The following SGMS2 variants were observed in gnomAD, a reference collection of about 807,000 sequenced individuals.
SGMS2 encodes the protein phosphatidylcholine:ceramide cholinephosphotransferase 2.
A neutral mutation model predicts 43.8 loss-of-function variants in SGMS2; 21 were observed. The ratio of observed to expected loss-of-function variants is 0.48; its 90% confidence interval spans 0.34 to 0.69. The LOEUF (loss-of-function observed/expected upper bound fraction) is 0.69. Ranked by LOEUF, SGMS2 falls within the 30% of genes least tolerant of loss-of-function variation. The probability of loss-of-function intolerance (pLI) is 0.01; values close to 1 mark genes in which losing one functional copy is unlikely to be tolerated. For missense variants in SGMS2, 384 were observed against 443.2 expected, an observed-to-expected ratio of 0.87 and a Z score of 1.20; for synonymous variants, 167 against 160.6, an observed-to-expected ratio of 1.04 and a Z score of -0.30.
rs200934549 is a variant in SGMS2 at position 107,903,259 on chromosome 4, T to G, written c.600T>G (p.Val200=). 1 of 1,613,988 alleles carries G rather than the reference T, an allele frequency of 6.2e-7. No individual in the cohort carries two copies. Among genetic ancestry groups the G allele is most frequent in the Non-Finnish European group, 8.5e-7 (1 of 1,179,958 alleles). Reference sequence around the variant, plus strand: ...TCAATGGAGACTCTCAGGCAAAAGTTCAACGGATTCTACGATTGATTTCTG... The same window carrying G: ...TCAATGGAGACTCTCAGGCAAAAGTGCAACGGATTCTACGATTGATTTCTG... ...PKLNGDSQAK[V]QRILRLISGG... is the part of the protein sequence containing the mutation. Residue 200 remains valine (V), a synonymous_variant, in exon 5 of 7, where the codon GTT becomes GTG. Transcript: ENST00000690982.
At chr4:107,907,755 T>C (rs1477217161) in intron 5 of SGMS2, among the ~76,000 whole-genome samples, 1 of 152,250 alleles carries the variant, frequency 6.6e-6, no homozygotes, top group Admixed American at 6.5e-5. Flanking sequence ...TTAACTTTTA[T>C]TGTGAGCTAA....
chr4:107,843,408 C>T (rs536848853), intron 1 of SGMS2, among the ~76,000 whole-genome samples: 143 of 152,080 alleles, frequency 9.4e-4, no homozygotes, highest in Non-Finnish European at 1.7e-3. Flanking sequence ...GTTTATAAAG[C>T]ACAAATGTTC....
At chr4:107,887,885 A>T (rs1369467765) in intron 2 of SGMS2, among the ~76,000 whole-genome samples, 1 of 152,208 alleles carries the variant, frequency 6.6e-6, no homozygotes, top group Non-Finnish European at 1.5e-5. Context: ...TGACCATAAG[A>T]TAAAACTTCC....
chr4:107,834,691 A>G (rs1290541725), intron 1 of SGMS2, among the ~76,000 whole-genome samples: 4 of 152,224 alleles, frequency 2.6e-5, no homozygotes, highest in Admixed American at 1.3e-4. Context: ...AAAGGGCTAT[A>G]GGCTCTTAGA....
chr4:107,838,425 T>A lies in SGMS2; in HGVS notation c.-327+13172T>A, dbSNP rs940404950. Among the ~76,000 whole-genome samples the A allele has an allele frequency of 1.1e-4, 16 of 145,550 alleles. 1 individual carries two copies. In the South Asian group the frequency reaches 2.7e-3, roughly 25 times the overall value. ...ACTTTACCCTGTGGGCTAGAGGACT[T>A]CTTCTTCTTCTTCTTCTTCTTTTTT... On this transcript the variant is annotated intron_variant, in intron 1 of 6. Coordinates refer to ENST00000690982, the MANE Select transcript of SGMS2 (RefSeq NM_001375905.1).
chr4:107,905,937 TGC>T (rs1239832574), intron 5 of SGMS2, among the ~76,000 whole-genome samples: 5 of 152,312 alleles, frequency 3.3e-5, no homozygotes, highest in African/African-American at 9.6e-5. Flanking sequence ...ATATATAGTG[TGC>T]AAGGAATACC....
chr4:107,871,633 G>A (rs1383827871), intron 2 of SGMS2, among the ~76,000 whole-genome samples: 2 of 152,040 alleles, frequency 1.3e-5, no homozygotes, highest in Non-Finnish European at 2.9e-5. Flanking sequence ...TAGGCTATCA[G>A]CAATAGTATT....
In SGMS2 at chr4:107,896,874, A is replaced by G. The variant is rs76718723; in HGVS notation, c.455+866A>G. On this transcript the variant is annotated intron_variant, in intron 3 of 6. Coordinates refer to ENST00000690982, the MANE Select transcript of SGMS2 (RefSeq NM_001375905.1). ...CTTTCCTCTCATTCATCATTTAGACATTTGTTTTCCACTGGGATGGTAGTG... is the reference window on the plus strand; with the variant it reads ...CTTTCCTCTCATTCATCATTTAGACGTTTGTTTTCCACTGGGATGGTAGTG... Among the ~76,000 whole-genome samples the G allele has an allele frequency of 6.7e-3, 1,014 of 152,254 alleles. 10 individuals carry two copies. The highest frequency in any genetic ancestry group is 0.023 in the African/African-American group (955 of 41,552).
intron 1 of SGMS2, among the ~76,000 whole-genome samples, chr4:107,829,841 G>T (rs201231654): frequency 0.17 from 26,306 of 151,928 alleles, 2,821 homozygotes; most frequent in African/African-American, 0.31. Flanking sequence ...TTCCAACGTG[G>T]TGAATAACAG....
intron 2 of SGMS2, among the ~76,000 whole-genome samples, chr4:107,869,851 T>C (rs1038931271): frequency 4.6e-5 from 7 of 152,186 alleles, no homozygotes; most frequent in African/African-American, 7.2e-5. Flanking sequence ...CTATTATAAA[T>C]TTTTTCTTAA....
intron 2 of SGMS2, among the ~76,000 whole-genome samples, chr4:107,869,318 C>T (rs924940914): frequency 6.6e-6 from 1 of 151,910 alleles, no homozygotes; most frequent in Non-Finnish European, 1.5e-5. Flanking sequence ...GTAAGCAAGT[C>T]GATGGGATTG....
intron 2 of SGMS2, chr4:107,893,116 C>T (rs914100921): frequency 2.6e-5 from 4 of 152,092 alleles, no homozygotes; most frequent in Non-Finnish European, 5.9e-5. Context: ...TTAATTATTT[C>T]AGTCATTCTC....
chr4:107,834,262 A>G (rs531571894), intron 1 of SGMS2, among the ~76,000 whole-genome samples: 2 of 152,350 alleles, frequency 1.3e-5, no homozygotes, highest in East Asian at 1.9e-4. Context: ...TTTATTTTAT[A>G]TGTAAAATTA....
At chr4:107,844,066 T>C (rs775755503) in intron 1 of SGMS2, among the ~76,000 whole-genome samples, 1 of 152,158 alleles carries the variant, frequency 6.6e-6, no homozygotes, top group Non-Finnish European at 1.5e-5. Context: ...CTCACGCCTA[T>C]AATCCCAGCA....
intron 2 of SGMS2, among the ~76,000 whole-genome samples, chr4:107,877,068 C>CA (rs1372343562): frequency 6.6e-6 from 1 of 151,940 alleles, no homozygotes; most frequent in African/African-American, 2.4e-5. Context: ...AGGAGGCTGA[C>CA]TTGGGAGAAT....
At chr4:107,900,148 A>G (rs1178025280) in intron 4 of SGMS2, among the ~76,000 whole-genome samples, 1 of 152,136 alleles carries the variant, frequency 6.6e-6, no homozygotes. Context: ...AAGCTGAGTA[A>G]GGTGAAAGGG....
intron 5 of SGMS2, among the ~76,000 whole-genome samples, chr4:107,904,162 C>A (rs1731359545): frequency 6.6e-6 from 1 of 152,092 alleles, no homozygotes; most frequent in Admixed American, 6.6e-5. Context: ...ACCTCAAAAT[C>A]TTTTTGAAGT....
intron 2 of SGMS2, among the ~76,000 whole-genome samples, chr4:107,862,507 T>C (rs186846721): frequency 1.3e-5 from 2 of 152,344 alleles, no homozygotes; most frequent in African/African-American, 4.8e-5. Flanking sequence ...CCCTTTTATA[T>C]GTAAGAACCC....
chr4:107,865,658 G>T (rs747698344), intron 2 of SGMS2, among the ~76,000 whole-genome samples: 1 of 152,058 alleles, frequency 6.6e-6, no homozygotes, highest in Non-Finnish European at 1.5e-5. Flanking sequence ...ACTATCTCTT[G>T]TTCTAGGGAA....
Sources: gnomAD v4.1 joint callset for allele counts (sites outside exome capture counted in the v4.1 genomes callset) on GRCh38, gnomAD v4.1.1 for gene constraint, MANE v1.5 for transcripts, NCBI Gene and HGNC (gene_info 2026-07-23, HGNC 2026-07-21) for gene names.